The following SRRM4 variants were observed in gnomAD, a reference collection of about 807,000 sequenced individuals.
SRRM4 encodes the protein serine/arginine repetitive matrix 4.
Under a neutral mutation model 68.9 loss-of-function variants are expected in SRRM4, and 33 were observed. The ratio of observed to expected loss-of-function variants is 0.48; its 90% CI spans 0.36 to 0.64. The LOEUF (loss-of-function observed/expected upper bound fraction) is 0.64, where lower values mean the gene tolerates loss of function less well. Ranked by LOEUF, SRRM4 falls within the 30% of genes least tolerant of loss-of-function variation. SRRM4 has a pLI of 0.00. For missense variants in SRRM4, 817 were observed against 827.1 expected (o/e 0.99, Z 0.15); for synonymous variants, 318 against 318.8 (o/e 1.00, Z 0.03).
At position 119,061,969 on chromosome 12, in the gene SRRM4, T is replaced by G. The variant is rs144516148; in HGVS notation, c.132-40267T>G. ...TATGCAGTCATGCGTCACTTATAAATGGGAATACATTCTGAAGTATGCATT... is the reference window on the plus strand; with the variant it reads ...TATGCAGTCATGCGTCACTTATAAAGGGGAATACATTCTGAAGTATGCATT... On this transcript the variant is annotated intron_variant, in intron 1 of 12. Coordinates refer to ENST00000267260, the MANE Select transcript of SRRM4 (RefSeq NM_194286.4). Among the ~76,000 whole-genome samples the G allele has an allele frequency of 2.3e-3, 352 of 152,296 alleles. 2 individuals are homozygous for G. Among genetic ancestry groups the G allele is most frequent in the African/African-American group, 8.0e-3 (334 of 41,572 alleles).
At chr12:119,062,029 T>C (rs1001045720) in intron 1 of SRRM4, among the ~76,000 whole-genome samples, 4 of 152,192 alleles carry the variant, frequency 2.6e-5, no homozygotes, top group Admixed American at 6.6e-5. Flanking sequence ...CTTACACCAA[T>C]CTAGATGGGA....
intron 4 of SRRM4, among the ~76,000 whole-genome samples, chr12:119,119,971 C>G (rs1010224271): frequency 1.3e-5 from 2 of 151,986 alleles, no homozygotes; most frequent in Non-Finnish European, 2.9e-5. Flanking sequence ...TTTTCATAGT[C>G]TCTGAAATCT....
chr12:119,032,932 C>G (rs776488911), intron 1 of SRRM4, among the ~76,000 whole-genome samples: 2 of 151,916 alleles, frequency 1.3e-5, no homozygotes, highest in East Asian at 1.9e-4. Context: ...TATAATAGTC[C>G]CATAATATTT....
chr12:119,039,722 C>A (rs974308188), intron 1 of SRRM4, among the ~76,000 whole-genome samples: 1 of 152,128 alleles, frequency 6.6e-6, no homozygotes, highest in Admixed American at 6.5e-5. Context: ...TCATAAATAT[C>A]CAGCACTGAA....
At chr12:119,060,195 G>A (rs941849921) in intron 1 of SRRM4, among the ~76,000 whole-genome samples, 11 of 151,830 alleles carry the variant, frequency 7.2e-5, no homozygotes, top group African/African-American at 2.7e-4. Context: ...AATGATATCT[G>A]AGAAAACAAT....
At chr12:119,075,781 GATA>G (rs1953908296) in intron 1 of SRRM4, among the ~76,000 whole-genome samples, 1 of 5,874 alleles carries the variant, frequency 1.7e-4, no homozygotes. Context: ...TGGTGATGAT[GATA>G]GCGATGATGG....
chr12:119,013,031 T>C (rs921588560), intron 1 of SRRM4, among the ~76,000 whole-genome samples: 1 of 152,202 alleles, frequency 6.6e-6, no homozygotes, highest in Non-Finnish European at 1.5e-5. Context: ...AGGTGAATGC[T>C]GGATCACCCT....
intron 10 of SRRM4, among the ~76,000 whole-genome samples, chr12:119,151,950 C>G (rs1251579818): frequency 6.6e-6 from 1 of 152,194 alleles, no homozygotes; most frequent in Admixed American, 6.5e-5. Context: ...AAAGGAGCTG[C>G]AAAGTCACAT....
intron 1 of SRRM4, among the ~76,000 whole-genome samples, chr12:119,079,645 G>A (rs1489333904): frequency 2.0e-5 from 3 of 152,144 alleles, no homozygotes; most frequent in Non-Finnish European, 2.9e-5. Context: ...ACACTTTGTC[G>A]GGAGAGTTGT....
rs765064831 is a variant in SRRM4 at position 119,145,662 on chromosome 12, C to G, written c.1053C>G (p.Pro351=). 6.6e-7 allele frequency: 1 copy of G among 1,524,246 alleles called. No individual in the cohort carries two copies. The highest frequency in any genetic ancestry group is 1.3e-5 in the South Asian group (1 of 75,970). The allele number at this position is 1,524,246 out of a possible 1,614,324, so 94.4% of individuals were successfully genotyped here. A position where few individuals can be genotyped will look rare whatever the true frequency, so the allele number is the denominator to read the frequency against. The change falls in exon 9 of 13, where the codon CCC becomes CCG. Residue 351 remains proline (P), a synonymous_variant. Coordinates refer to ENST00000267260, the MANE Select transcript of SRRM4 (RefSeq NM_194286.4). ...NKGAMLENLS[P]TSRGRESRGF... ...GGGCCATGTTGGAGAATCTCTCCCCCACCAGCAGGGGCAGAGAGTCAAGGT... is the reference window on the plus strand; with the variant it reads ...GGGCCATGTTGGAGAATCTCTCCCCGACCAGCAGGGGCAGAGAGTCAAGGT...
intron 1 of SRRM4, among the ~76,000 whole-genome samples, chr12:119,050,380 A>C (rs756036788): frequency 2.6e-5 from 4 of 152,238 alleles, no homozygotes; most frequent in Non-Finnish European, 5.9e-5. Context: ...GATGAACAAG[A>C]CAGGGCTCTG....
intron 1 of SRRM4, among the ~76,000 whole-genome samples, chr12:118,988,126 G>T (rs903622609): frequency 2.7e-5 from 4 of 146,080 alleles, no homozygotes; most frequent in Non-Finnish European, 6.2e-5. Flanking sequence ...ACAGAGGAAT[G>T]TAAAAAAAAA....
intron 1 of SRRM4, among the ~76,000 whole-genome samples, chr12:119,074,923 C>G (rs1221589145): frequency 1.3e-5 from 2 of 152,170 alleles, no homozygotes; most frequent in East Asian, 3.9e-4. Context: ...CCTCACCTTT[C>G]TTGGTGAGAA....
At chr12:119,111,954 G>A (rs901573523) in intron 2 of SRRM4, among the ~76,000 whole-genome samples, 1 of 152,046 alleles carries the variant, frequency 6.6e-6, no homozygotes, top group African/African-American at 2.4e-5. Context: ...GCTGAGGCAG[G>A]AGAATCGCTT....
chr12:119,015,661 A>G (rs1953476758), intron 1 of SRRM4, among the ~76,000 whole-genome samples: 2 of 152,056 alleles, frequency 1.3e-5, no homozygotes, highest in African/African-American at 4.8e-5. Context: ...GTATAGATGC[A>G]TCATTTATTT....
chr12:118,987,701 T>C (rs969626085), intron 1 of SRRM4, among the ~76,000 whole-genome samples: 2 of 152,214 alleles, frequency 1.3e-5, no homozygotes, highest in African/African-American at 2.4e-5. Context: ...AAAGTGCTAC[T>C]TGGCACCCAG....
intron 1 of SRRM4, among the ~76,000 whole-genome samples, chr12:119,074,316 A>G (rs1235566608): frequency 1.3e-5 from 2 of 152,148 alleles, no homozygotes; most frequent in Non-Finnish European, 2.9e-5. Flanking sequence ...CAAATAATAG[A>G]TGTTCTTTTC....
chr12:118,983,489 C>T (rs943605651), intron 1 of SRRM4, among the ~76,000 whole-genome samples: 2 of 152,160 alleles, frequency 1.3e-5, no homozygotes, highest in African/African-American at 4.8e-5. Context: ...AGAGTTTTGA[C>T]GTCAGTGGTT....
intron 8 of SRRM4, among the ~76,000 whole-genome samples, chr12:119,140,875 C>G (rs1000013536): frequency 6.6e-6 from 1 of 152,156 alleles, no homozygotes; most frequent in African/African-American, 2.4e-5. Flanking sequence ...GTCTGGACCT[C>G]AAACTTTCTT....
Sources: allele counts gnomAD v4.1 joint callset (sites outside exome capture counted in the v4.1 genomes callset), GRCh38; gene constraint gnomAD v4.1.1; transcripts MANE v1.5; gene names NCBI Gene and HGNC (gene_info 2026-07-23, HGNC 2026-07-21).